XKR6: variants seen among roughly 807,000 people sequenced by gnomAD.
XKR6 encodes the protein XK-related protein 6.
A neutral mutation model predicts 56.7 loss-of-function variants in XKR6; 22 were observed. The ratio of observed to expected loss-of-function variants is 0.39; its 90% CI spans 0.28 to 0.55. XKR6 has a LOEUF of 0.55. Among genes scored for constraint, XKR6 ranks in the 20% least tolerant of loss-of-function variants. XKR6 has a pLI of 0.66. For synonymous variants in XKR6, 524 were observed against 387.8 expected, an observed-to-expected ratio of 1.35 and a Z score of -4.13; for missense variants, 852 against 889.0, an observed-to-expected ratio of 0.96 and a Z score of 0.53.
At chr8:10,911,199 C>CATGTGT (rs1284455130) in intron 2 of XKR6, among the ~76,000 whole-genome samples, 2,104 of 126,324 alleles carry the variant, frequency 0.017, 24 homozygotes, top group Admixed American at 0.027. Flanking sequence ...AGAGGGTGTG[C>CATGTGT]GTGTGTGTGT....
intron 1 of XKR6, among the ~76,000 whole-genome samples, chr8:11,037,133 G>C (rs1172088035): frequency 1.3e-5 from 2 of 152,194 alleles, no homozygotes; most frequent in South Asian, 2.1e-4. Flanking sequence ...TTCTGCATCT[G>C]TTTCACCCAA....
At chr8:11,149,387 AATT>A (rs1161514516) in intron 1 of XKR6, among the ~76,000 whole-genome samples, 1 of 152,162 alleles carries the variant, frequency 6.6e-6, no homozygotes, top group Non-Finnish European at 1.5e-5. Context: ...ACAGTATTAT[AATT>A]TTATGCAACC....
At chr8:11,036,733 A>C (rs1198974497) in intron 1 of XKR6, among the ~76,000 whole-genome samples, 1 of 152,244 alleles carries the variant, frequency 6.6e-6, no homozygotes, top group Admixed American at 6.5e-5. Context: ...CTGTGTTTTT[A>C]AACCACAATT....
intron 1 of XKR6, among the ~76,000 whole-genome samples, chr8:11,040,445 T>C (rs1799258583): frequency 6.6e-6 from 1 of 150,712 alleles, no homozygotes; most frequent in Non-Finnish European, 1.5e-5. Flanking sequence ...AGCAGGAGGA[T>C]CACTTGAGCC....
chr8:10,968,166 T>C (rs1251382964), intron 1 of XKR6, among the ~76,000 whole-genome samples: 4 of 152,176 alleles, frequency 2.6e-5, no homozygotes, highest in African/African-American at 9.7e-5. Context: ...TTCCTGGCCT[T>C]GCATCCGGTC....
At chr8:11,139,938 T>C (rs2116929514) in intron 1 of XKR6, among the ~76,000 whole-genome samples, 1 of 151,938 alleles carries the variant, frequency 6.6e-6, no homozygotes, top group South Asian at 2.1e-4. Flanking sequence ...TATGTGAAAA[T>C]GATACAAGCC....
intron 1 of XKR6, among the ~76,000 whole-genome samples, chr8:11,164,017 T>C (rs963409741): frequency 1.3e-5 from 2 of 152,196 alleles, no homozygotes; most frequent in African/African-American, 4.8e-5. Context: ...AATGTGAGCA[T>C]GTTTTGGGGG....
chr8:11,085,590 G>A (rs975714797), intron 1 of XKR6, among the ~76,000 whole-genome samples: 1 of 152,180 alleles, frequency 6.6e-6, no homozygotes, highest in Non-Finnish European at 1.5e-5. Flanking sequence ...TGGACGAGGA[G>A]GGGGCCAGAG....
At chr8:11,097,671 G>T (rs1302833552) in intron 1 of XKR6, among the ~76,000 whole-genome samples, 1 of 151,678 alleles carries the variant, frequency 6.6e-6, no homozygotes, top group Non-Finnish European at 1.5e-5. Context: ...GCCGGGCGTG[G>T]TGGTGCACAC....
chr8:10,966,873 C>A (rs1802240806), intron 1 of XKR6, among the ~76,000 whole-genome samples: 2 of 152,034 alleles, frequency 1.3e-5, no homozygotes, highest in Non-Finnish European at 2.9e-5. Flanking sequence ...ACCTGACGAG[C>A]CCTTCCAGTA....
intron 1 of XKR6, among the ~76,000 whole-genome samples, chr8:11,089,266 T>C (rs1262629284): frequency 6.6e-6 from 1 of 152,108 alleles, no homozygotes; most frequent in East Asian, 1.9e-4. Flanking sequence ...AAGAAAACCT[T>C]AGAAACCTAC....
At position 11,201,390 on chromosome 8, in the gene XKR6, G is replaced by A. The variant is rs780892254; in HGVS notation, c.-51C>T. On this transcript the variant is annotated 5_prime_UTR_variant, in exon 1 of 3. Coordinates refer to ENST00000416569, the MANE Select transcript of XKR6 (RefSeq NM_173683.4). ...GTTGGGGGGGAGGGACGGCGGGGGGGGGGGGAAGAAGGCAGGGAACGGGGA... is the reference window on the plus strand; with the variant it reads ...GTTGGGGGGGAGGGACGGCGGGGGGAGGGGGAAGAAGGCAGGGAACGGGGA... The A allele has an allele frequency of 1.8e-6, 2 of 1,100,398 alleles. No individual in the cohort carries two copies. The highest frequency in any genetic ancestry group is 3.4e-5 in the African/African-American group (2 of 58,718). The allele number at this position is 1,100,398 out of a possible 1,614,324, so 68.2% of individuals were successfully genotyped here.
chr8:10,975,177 T>G (rs551811663), intron 1 of XKR6, among the ~76,000 whole-genome samples: 69 of 152,228 alleles, frequency 4.5e-4, no homozygotes, highest in African/African-American at 1.5e-3. Flanking sequence ...CTGATAGCAA[T>G]GGGGAACCTG....
At chr8:10,943,098 C>A (rs1165387033) in intron 1 of XKR6, among the ~76,000 whole-genome samples, 2 of 152,220 alleles carry the variant, frequency 1.3e-5, no homozygotes, top group Non-Finnish European at 2.9e-5. Context: ...CTGCCATTCA[C>A]TCTGCCCAGG....
At chr8:10,955,572 A>G (rs1468170151) in intron 1 of XKR6, among the ~76,000 whole-genome samples, 1 of 152,212 alleles carries the variant, frequency 6.6e-6, no homozygotes, top group Non-Finnish European at 1.5e-5. Flanking sequence ...ATGTAACATT[A>G]TTCTTCATAG....
intron 1 of XKR6, among the ~76,000 whole-genome samples, chr8:11,049,365 C>T (rs1425414795): frequency 1.3e-5 from 2 of 152,170 alleles, no homozygotes; most frequent in Non-Finnish European, 2.9e-5. Flanking sequence ...CCCTTCCAGG[C>T]TGGGACTTTA....
At chr8:11,079,738 T>C (rs889761983) in intron 1 of XKR6, among the ~76,000 whole-genome samples, 5 of 152,304 alleles carry the variant, frequency 3.3e-5, no homozygotes, top group South Asian at 2.1e-4. Context: ...TGTGGCAAGA[T>C]TGCTTAAGGC....
At position 10,910,602 on chromosome 8, in the gene XKR6, G is replaced by A. The variant is rs140724398; in HGVS notation, c.962-11686C>T. ...GCTCTCCTGGACCCTGGGCTCTTCT[G>A]AGCAGCTGGCTGGGGGCTGGCGGCC... On this transcript the variant is annotated intron_variant, in intron 2 of 2. Transcript: ENST00000416569. Among the ~76,000 whole-genome samples, 65 of 152,278 alleles carry A rather than the reference G, an allele frequency of 4.3e-4. 1 individual carries two copies. The highest frequency in any genetic ancestry group is 1.5e-3 in the African/African-American group (61 of 41,554).
chr8:11,136,726 C>T (rs1225046930), intron 1 of XKR6, among the ~76,000 whole-genome samples: 2 of 152,110 alleles, frequency 1.3e-5, no homozygotes, highest in Admixed American at 1.3e-4. Context: ...TTCACCAGGA[C>T]CAACTCGGAT....
Sources: allele counts gnomAD v4.1 joint callset (sites outside exome capture counted in the v4.1 genomes callset), GRCh38; gene constraint gnomAD v4.1.1; transcripts MANE v1.5; gene names NCBI Gene and HGNC (gene_info 2026-07-23, HGNC 2026-07-21).